The following COL4A2 variants were observed in gnomAD, a reference collection of about 807,000 sequenced individuals.
COL4A2 encodes collagen alpha-2(IV) chain.
Under a neutral mutation model 200.2 loss-of-function variants are expected in COL4A2, and 99 were observed. The observed-to-expected ratio is 0.49, with a 90% CI of 0.42 to 0.58. The LOEUF (loss-of-function observed/expected upper bound fraction) is 0.58, where lower values mean the gene tolerates loss of function less well. COL4A2 is among the 20% of genes least tolerant of loss of function. The pLI is 0.00. For missense variants in COL4A2, 1,950 were observed against 2,314.1 expected, an observed-to-expected ratio of 0.84 and a Z score of 3.23; for synonymous variants, 897 against 900.6, an observed-to-expected ratio of 1.00 and a Z score of 0.07.
intron 4 of COL4A2, among the ~76,000 whole-genome samples, chr13:110,413,734 G>C (rs984078375): frequency 6.6e-6 from 1 of 152,202 alleles, no homozygotes; most frequent in Non-Finnish European, 1.5e-5. Flanking sequence ...AGGCAGACAG[G>C]TCTCTCAGAG....
chr13:110,337,706 T>C (rs952630310), intron 3 of COL4A2, among the ~76,000 whole-genome samples: 1 of 152,244 alleles, frequency 6.6e-6, no homozygotes, highest in Admixed American at 6.5e-5. Context: ...GACACAGTGC[T>C]GGAGGCTCTA....
chr13:110,507,861 T>C, intron 46 of COL4A2, 74 bp from the exon 47 acceptor site: 1 of 1,505,984 alleles, frequency 6.6e-7, no homozygotes, highest in Non-Finnish European at 9.1e-7. Flanking sequence ...CACAGCCTCC[T>C]GGGCCTGGCT....
intron 4 of COL4A2, among the ~76,000 whole-genome samples, chr13:110,383,228 G>A (rs768379136): frequency 1.3e-4 from 20 of 152,052 alleles, no homozygotes; most frequent in Admixed American, 2.0e-4. Flanking sequence ...AACAGGGTCC[G>A]GAAAAAACAA....
rs770662096 is a variant in COL4A2 at position 110,508,203 on chromosome 13, C to G, written c.4863C>G (p.Ile1621Met). Residue 1621 changes from isoleucine (I) to methionine (M), a missense_variant, in exon 47 of 48, where the codon ATC becomes ATG. By Grantham distance (10) the Ile-to-Met change is conservative. Around this residue, in one of 2 missense-constraint regions of COL4A2, gnomAD observed 1,385 missense variants for 1,720.5 expected, o/e 0.80. Transcript: ENST00000360467. This position sits in a 1 kb window ranked among gnomAD's most constrained non-coding sequence, Gnocchi z 6.1. ...HCPAGWRSLW[I>M]GYSFLMHTAA... ...CAGCTGGGTGGCGGAGTTTGTGGAT[C>G]GGATATTCCTTCCTCATGGTATGTG... 6.2e-7 allele frequency: 1 copy of G among 1,614,122 alleles called. No homozygotes were observed. Among genetic ancestry groups the G allele is most frequent in the South Asian group, 1.1e-5 (1 of 91,086 alleles).
Position 110,466,028 on chromosome 13 carries a change from C to T in COL4A2, c.2004C>T (p.Ala668=), listed in dbSNP as rs148709279. ...QIDCDTDVKR[A]VGGDRQEAIQ... is the part of the protein sequence containing the mutation. ...ATTGTGACACAGATGTGAAAAGGGC[C>T]GTTGGAGGTGACAGACAGGAGGCCA... Residue 668 remains alanine (A), a synonymous_variant, in exon 26 of 48, where the codon GCC becomes GCT. Transcript: ENST00000360467. 1.6e-4 allele frequency: 260 copies of T among 1,613,748 alleles called. No individual in the cohort carries two copies. The African/African-American group carries it at 2.7e-3, about 17-fold the overall frequency.
At chr13:110,408,012 G>C (rs1879637061) in intron 4 of COL4A2, among the ~76,000 whole-genome samples, 1 of 152,254 alleles carries the variant, frequency 6.6e-6, no homozygotes, top group Admixed American at 6.5e-5. Context: ...CCAGGAGGGA[G>C]GTAGGAGCCA....
chr13:110,438,515 G>A lies in COL4A2; in HGVS notation c.862-103G>A, dbSNP rs759040737. 11 of 1,460,294 alleles carry A rather than the reference G, an allele frequency of 7.5e-6. No homozygotes were observed. In the Admixed American group the frequency reaches 8.4e-5, roughly 11 times the overall value. 90.5% of individuals were successfully genotyped at this position (1,460,294 alleles called of 1,614,324 possible). ...CGCCAGGCGGTCTGGACACCATCGG[G>A]GCTGAGAACACAGAGTCCTGGAGCA... On this transcript the variant is annotated intron_variant, in intron 14 of 47. Coordinates refer to ENST00000360467, the MANE Select transcript of COL4A2 (RefSeq NM_001846.4).
In COL4A2 at chr13:110,452,282, G is replaced by A. The variant is rs771764307; in HGVS notation, c.1339+1828G>A. Among the ~76,000 whole-genome samples, 74 of 152,090 alleles carry A rather than the reference G, an allele frequency of 4.9e-4. 1 individual carries two copies. The highest frequency in any genetic ancestry group is 1.0e-4 in the Non-Finnish European group (7 of 67,984). On this transcript the variant is annotated intron_variant, in intron 20 of 47. Coordinates refer to ENST00000360467, the MANE Select transcript of COL4A2 (RefSeq NM_001846.4). ...CCGAGTAGCTGGGACCCAGGCGCCC[G>A]CCACCGCGCAGCTGGGACCACAGGC... is the stretch of plus-strand genomic sequence containing the variant.
At chr13:110,387,074 CT>C (rs1264317964) in intron 4 of COL4A2, among the ~76,000 whole-genome samples, 1 of 152,098 alleles carries the variant, frequency 6.6e-6, no homozygotes, top group Non-Finnish European at 1.5e-5. Context: ...CCCGTCTCTA[CT>C]AAAAATACAA....
intron 45 of COL4A2, among the ~76,000 whole-genome samples, chr13:110,506,212 G>A (rs943104472): frequency 1.4e-5 from 2 of 148,000 alleles, no homozygotes; most frequent in Non-Finnish European, 3.0e-5. Context: ...GCACCAGGCC[G>A]TCCACTCACT....
At chr13:110,493,329 G>T (rs2391833) in intron 39 of COL4A2, 47 bp downstream of exon 39, 9 of 1,598,850 alleles carry the variant, frequency 5.6e-6, no homozygotes, top group East Asian at 4.5e-5. Context: ...AGGTGTCGAG[G>T]GTGGGGACTC....
intron 3 of COL4A2, among the ~76,000 whole-genome samples, chr13:110,354,978 C>G (rs529438083): frequency 6.6e-6 from 1 of 152,186 alleles, no homozygotes; most frequent in African/African-American, 2.4e-5. Context: ...CCAGCAGACC[C>G]GCTATCACAA....
At chr13:110,479,071 G>T (rs1882801133) in intron 30 of COL4A2, among the ~76,000 whole-genome samples, 1 of 152,204 alleles carries the variant, frequency 6.6e-6, no homozygotes, top group Non-Finnish European at 1.5e-5. Context: ...CTCCCCTATT[G>T]CCGCACTAGC....
intron 39 of COL4A2, among the ~76,000 whole-genome samples, chr13:110,494,297 G>T (rs951788754): frequency 6.6e-6 from 1 of 151,654 alleles, no homozygotes; most frequent in African/African-American, 2.4e-5. Context: ...CTTTAACCCT[G>T]TCCTCCCCAA....
chr13:110,503,494 C>T lies in COL4A2; in HGVS notation c.4138+13C>T, dbSNP rs577133380. The T allele has an allele frequency of 2.7e-6, 4 of 1,485,534 alleles. No individual in the cohort carries two copies. The highest frequency in any genetic ancestry group is 3.7e-6 in the Non-Finnish European group (4 of 1,092,036). 92.0% of individuals were successfully genotyped at this position (1,485,534 alleles called of 1,614,324 possible). The stretch of plus-strand genomic sequence containing the variant: ...CCAGGATTCCCTGGTAAGTGACCGT[C>T]TGGTATCTTCAGAGCTAGTGGCTCA... On this transcript the variant is annotated intron_variant, in intron 43 of 47. Coordinates refer to ENST00000360467, the MANE Select transcript of COL4A2 (RefSeq NM_001846.4).
At chr13:110,497,027 G>T (rs923368793) in intron 40 of COL4A2, among the ~76,000 whole-genome samples, 6 of 151,290 alleles carry the variant, frequency 4.0e-5, no homozygotes, top group Non-Finnish European at 7.4e-5. Context: ...CAGGGGTGAG[G>T]ATCTAGGGTC....
At chr13:110,357,104 C>T (rs1877308348) in intron 3 of COL4A2, among the ~76,000 whole-genome samples, 1 of 152,132 alleles carries the variant, frequency 6.6e-6, no homozygotes, top group Non-Finnish European at 1.5e-5. Flanking sequence ...ATAGAACATA[C>T]AGCACCAAGG....
intron 3 of COL4A2, among the ~76,000 whole-genome samples, chr13:110,356,340 G>A (rs559379420): frequency 6.6e-6 from 1 of 152,280 alleles, no homozygotes; most frequent in East Asian, 1.9e-4. Flanking sequence ...TAGGGCGAAG[G>A]GGAAAGAAAG....
At chr13:110,442,812 A>T (rs1019358497) in intron 16 of COL4A2, among the ~76,000 whole-genome samples, 2 of 152,036 alleles carry the variant, frequency 1.3e-5, no homozygotes, top group Admixed American at 6.5e-5. Flanking sequence ...GTGTTATTTT[A>T]TAATTTTGAA....
Sources: allele counts gnomAD v4.1 joint callset (sites outside exome capture counted in the v4.1 genomes callset), GRCh38; gene constraint gnomAD v4.1.1; regional missense constraint gnomAD v4.1.1; non-coding constraint Gnocchi (gnomAD v3.1); transcripts MANE v1.5; gene names NCBI Gene and HGNC (gene_info 2026-07-23, HGNC 2026-07-21).